The following TEAD3 variants were observed in gnomAD, a reference collection of about 807,000 sequenced individuals.
TEAD3 encodes the protein transcriptional enhancer factor TEF-5.
Under a neutral mutation model 55.6 loss-of-function variants are expected in TEAD3, and 15 were observed. The ratio of observed to expected loss-of-function variants is 0.27; its 90% confidence interval spans 0.18 to 0.42. The LOEUF is 0.42. TEAD3 is among the 10% of genes least tolerant of loss of function. The probability of loss-of-function intolerance (pLI) is 1.00; values close to 1 mark genes in which losing one functional copy is unlikely to be tolerated. For missense variants in TEAD3, 407 were observed against 576.8 expected, an observed-to-expected ratio of 0.71 and a Z score of 3.01; for synonymous variants, 210 against 232.2, an observed-to-expected ratio of 0.90 and a Z score of 0.87.
intron 1 of TEAD3, among the ~76,000 whole-genome samples, chr6:35,495,897 G>A (rs1206193032): frequency 1.3e-5 from 2 of 152,226 alleles, no homozygotes; most frequent in Non-Finnish European, 2.9e-5. Context: ...CTGGAAAGAG[G>A]GAAGACACAG....
chr6:35,480,349 G>T, intron 3 of TEAD3: 1 of 1,614,010 alleles, frequency 6.2e-7, no homozygotes, highest in Non-Finnish European at 8.5e-7. Context: ...CTTCTTCCGA[G>T]CTAGAACCTG....
intron 1 of TEAD3, among the ~76,000 whole-genome samples, chr6:35,489,333 A>G (rs1432534058): frequency 6.6e-6 from 1 of 152,194 alleles, no homozygotes; most frequent in Non-Finnish European, 1.5e-5. Flanking sequence ...AGTAAGTACT[A>G]GGGCTGGGTT....
intron 9 of TEAD3, 82 bp from the exon 10 acceptor site, chr6:35,476,174 T>C: frequency 6.5e-7 from 1 of 1,538,244 alleles, no homozygotes; most frequent in Non-Finnish European, 8.8e-7. Flanking sequence ...TGCACAGGTA[T>C]AGAATTGCCT....
rs113243827 is a variant in TEAD3 at position 35,491,241 on chromosome 6, C to T, written c.-49-4530G>A. Among the ~76,000 whole-genome samples the T allele has an allele frequency of 1.3e-3, 191 of 146,532 alleles. No individual in the cohort carries two copies. The highest frequency in any genetic ancestry group is 4.7e-3 in the African/African-American group (185 of 39,230). ...GGGGAGTGCTGGACCCTCAGACCCA[C>T]AGACTGACAGACAGAGCCGGTGGGG... On this transcript the variant is annotated intron_variant, in intron 1 of 12. Transcript: ENST00000639578. The surrounding 1 kb of genome is among the most constrained non-coding windows in gnomAD (Gnocchi z 4.4).
At chr6:35,479,929 T>G in intron 4 of TEAD3, 2 of 728,722 alleles carry the variant, frequency 2.7e-6, no homozygotes, top group Non-Finnish European at 4.1e-6. Flanking sequence ...TGCTGCCACT[T>G]GTGTTTCTTT....
rs1030532924 is a variant in TEAD3 at position 35,496,888 on chromosome 6, C to A, written c.-50+10G>T. 3 of 152,016 alleles carry A rather than the reference C, an allele frequency of 2.0e-5. No individual in the cohort carries two copies. Among genetic ancestry groups the A allele is most frequent in the Admixed American group, 2.0e-4 (3 of 15,272 alleles). The allele number at this position is 152,016 out of a possible 1,614,324, so 9.4% of individuals were successfully genotyped here. ...GAGCGGGGCCTCCTCCCGGCGTCCG[C>A]CCGGCTTACCTGGTCCGAGCTCGCG... is the stretch of plus-strand genomic sequence containing the variant. On this transcript the variant is annotated intron_variant, in intron 1 of 12. Transcript: ENST00000639578. The surrounding 1 kb of genome is among the most constrained non-coding windows in gnomAD (Gnocchi z 4.8).
chr6:35,477,113 G>A (rs969459339), intron 8 of TEAD3, among the ~76,000 whole-genome samples, 198 bp downstream of exon 8: 5 of 152,188 alleles, frequency 3.3e-5, no homozygotes, highest in South Asian at 2.1e-4. Context: ...GAGCCACCAC[G>A]CCTGGCTTGG....
chr6:35,475,934 G>C lies in TEAD3; in HGVS notation c.885C>G (p.Phe295Leu), dbSNP rs2150910415. The C allele has an allele frequency of 6.5e-7, 1 of 1,533,970 alleles. No homozygotes were observed. Among genetic ancestry groups the C allele is most frequent in the Non-Finnish European group, 8.7e-7 (1 of 1,143,222 alleles). Residue 295 changes from phenylalanine (F) to leucine (L), a missense_variant, in exon 10 of 13, where the codon TTC (phenylalanine) becomes TTG (leucine). Coordinates refer to ENST00000639578, the Ensembl canonical transcript of TEAD3. The surrounding 1 kb of genome is among the most constrained non-coding windows in gnomAD (Gnocchi z 5.4). ...GGGGACTCACCCAGAACTTGACAAG[G>C]AAGAAGGCATTAGGGGGCCCCTTCT...
chr6:35,483,696 C>T lies in TEAD3; in HGVS notation c.267+864G>A, dbSNP rs1223660099. On this transcript the variant is annotated intron_variant, in intron 3 of 12. Coordinates refer to ENST00000639578, the Ensembl canonical transcript of TEAD3. This position sits in a 1 kb window ranked among gnomAD's most constrained non-coding sequence, Gnocchi z 4.5. The stretch of plus-strand genomic sequence containing the variant: ...CACCTGTCACTCCCTGCTCCATACC[C>T]TCCTGTAGCCCACCGCTGCCCCTTG... Among the ~76,000 whole-genome samples, 2 of 152,142 alleles carry T rather than the reference C, an allele frequency of 1.3e-5. No homozygotes were observed. The highest frequency in any genetic ancestry group is 2.9e-5 in the Non-Finnish European group (2 of 68,022).
chr6:35,486,341 T>C lies in TEAD3; in HGVS notation c.202+120A>G. ...GGAGGAGGATCCAGACACACAGGCT[T>C]GCGCGCCCAGACTCGCCCGGCCAGC... On this transcript the variant is annotated intron_variant, in intron 2 of 12. Coordinates refer to ENST00000639578, the Ensembl canonical transcript of TEAD3. The surrounding 1 kb of genome is among the most constrained non-coding windows in gnomAD (Gnocchi z 7.3). 2 of 1,198,380 alleles carry C rather than the reference T, an allele frequency of 1.7e-6. No homozygotes were observed. The highest frequency in any genetic ancestry group is 1.2e-6 in the Non-Finnish European group (1 of 864,658). 74.2% of individuals were successfully genotyped at this position (1,198,380 alleles called of 1,614,324 possible).
At chr6:35,497,051 G>C (rs1768688377) in exon 1 of TEAD3, 1 of 151,182 alleles carries the variant, frequency 6.6e-6, no homozygotes, top group Non-Finnish European at 1.5e-5. Flanking sequence ...GCGCGGAGGA[G>C]GGAGCGAGCG....
rs1768343298 is a variant in TEAD3, at chr6:35,484,931, A to T, written c.203-307T>A. On this transcript the variant is annotated intron_variant, in intron 2 of 12. Coordinates refer to ENST00000639578, the Ensembl canonical transcript of TEAD3. This position sits in a 1 kb window ranked among gnomAD's most constrained non-coding sequence, Gnocchi z 5.8. Reference sequence around the variant, plus strand: ...CCCTGACAGGCTTCCCTGCAGACAGACCGGGTGGCTGTGGTACAGGTCAGC... The same window carrying T: ...CCCTGACAGGCTTCCCTGCAGACAGTCCGGGTGGCTGTGGTACAGGTCAGC... Among the ~76,000 whole-genome samples, 2 of 152,154 alleles carry T rather than the reference A, an allele frequency of 1.3e-5. No homozygotes were observed. Among genetic ancestry groups the T allele is most frequent in the Non-Finnish European group, 2.9e-5 (2 of 68,008 alleles).
intron 3 of TEAD3, among the ~76,000 whole-genome samples, chr6:35,480,733 A>T (rs1768249887): frequency 1.3e-5 from 2 of 152,144 alleles, no homozygotes; most frequent in African/African-American, 4.8e-5. Flanking sequence ...CAGGTTGTTC[A>T]CTGGCCCAAA....
At chr6:35,478,488 G>A (rs1241497022) in exon 6 of TEAD3, 2 of 1,612,580 alleles carry the variant, frequency 1.2e-6, no homozygotes, top group South Asian at 2.2e-5. Flanking sequence ...GGCTGAACTT[G>A]TTCTGCAGGA....
chr6:35,476,561 A>G (rs1561803341), intron 8 of TEAD3, 126 bp from the exon 9 acceptor site: 10 of 1,147,526 alleles, frequency 8.7e-6, no homozygotes, highest in Non-Finnish European at 1.3e-5. Context: ...CTCCCCTACT[A>G]TGTGTCCTTG....
At chr6:35,474,647 A>G (rs771823681), downstream of TEAD3, 3 of 197,880 alleles carry the variant, frequency 1.5e-5, no homozygotes, top group Admixed American at 1.1e-4. Context: ...GCCTCTGCTC[A>G]CTGACTCCCT....
At chr6:35,477,614 A>C (rs1349973247) in intron 7 of TEAD3, among the ~76,000 whole-genome samples, 21 of 69,172 alleles carry the variant, frequency 3.0e-4, no homozygotes, top group Admixed American at 7.0e-4. Context: ...AACCTTCCCC[A>C]CCCCCCACCC....
intron 1 of TEAD3, among the ~76,000 whole-genome samples, chr6:35,494,818 A>C (rs1275678035): frequency 6.6e-6 from 1 of 151,518 alleles, no homozygotes; most frequent in East Asian, 1.9e-4. Context: ...ACCCATGACC[A>C]CTTCAGAGGC....
chr6:35,484,459 G>T lies in TEAD3; in HGVS notation c.267+101C>A. ...CAAGGAGGGTGGCAGTCCAGGTCAG[G>T]GGCAGCCTCGAGGAGGTGGGCAGGG... is the stretch of plus-strand genomic sequence containing the variant. On this transcript the variant is annotated intron_variant, in intron 3 of 12. Transcript: ENST00000639578. The surrounding 1 kb of genome is among the most constrained non-coding windows in gnomAD (Gnocchi z 5.8). The T allele has an allele frequency of 8.5e-7, 1 of 1,183,412 alleles. No homozygotes were observed. Among genetic ancestry groups the T allele is most frequent in the Non-Finnish European group, 1.2e-6 (1 of 816,680 alleles). The allele number at this position is 1,183,412 out of a possible 1,614,324, so 73.3% of individuals were successfully genotyped here. A position where few individuals can be genotyped will look rare whatever the true frequency, so the allele number is the denominator to read the frequency against.
Sources: allele counts gnomAD v4.1 joint callset (sites outside exome capture counted in the v4.1 genomes callset), GRCh38; gene constraint gnomAD v4.1.1; non-coding constraint Gnocchi (gnomAD v3.1); transcripts MANE v1.5; gene names NCBI Gene and HGNC (gene_info 2026-07-23, HGNC 2026-07-21).